COL27A1: variants seen among roughly 807,000 people sequenced by gnomAD.
COL27A1 encodes the protein collagen type XXVII alpha 1 chain, also known as collagen alpha-1(XXVII) chain.
COL27A1 carries 106 observed loss-of-function variants against 251.3 expected under a neutral mutation model. The observed-to-expected ratio is 0.42, with a 90% CI of 0.36 to 0.50. COL27A1 has a LOEUF of 0.50. Among genes scored for constraint, COL27A1 ranks in the 20% least tolerant of loss-of-function variants. The pLI is 0.00. For synonymous variants in COL27A1, 1,000 were observed against 986.3 expected (o/e 1.01, Z -0.26); for missense variants, 2,325 against 2,522.8 (o/e 0.92, Z 1.68).
chr9:114,267,808 G>A (rs1834851060), intron 34 of COL27A1, among the ~76,000 whole-genome samples: 1 of 152,140 alleles, frequency 6.6e-6, no homozygotes, highest in Non-Finnish European at 1.5e-5. Context: ...GTACCTCCTG[G>A]CCTCATGCGA....
In COL27A1 at chr9:114,270,749, G is replaced by A. The variant is rs1343744535; in HGVS notation, c.3577G>A (p.Asp1193Asn). ...CCAGGGAGAGCCAGGCCTTGAGGGT[G>A]ACAGTGGCCCCATGGGACCTGATGG... ...GQRGEPGLEG[D>N]SGPMGPDGLK... Residue 1193 changes from aspartate to asparagine, a missense_variant, in exon 36 of 61, where the codon GAC becomes AAC. Physicochemically the swap from Asp to Asn is conservative, Grantham distance 23. Transcript: ENST00000356083. The A allele has an allele frequency of 1.2e-6, 2 of 1,613,160 alleles. No individual in the cohort carries two copies. Among genetic ancestry groups the A allele is most frequent in the East Asian group, 2.2e-5 (1 of 44,812 alleles).
At chr9:114,264,319 G>C (rs367609372) in intron 28 of COL27A1, 36 bp from the exon 29 acceptor site, 1 of 1,533,548 alleles carries the variant, frequency 6.5e-7, no homozygotes, top group Admixed American at 1.9e-5. Context: ...GGAGACCCCT[G>C]CTGTCCGGTG....
At position 114,155,583 on chromosome 9, in the gene COL27A1, C is replaced by G. The variant is rs894924392; in HGVS notation, c.-368C>G. On this transcript the variant is annotated 5_prime_UTR_variant, in exon 1 of 61. Transcript: ENST00000356083. This position sits in a 1 kb window ranked among gnomAD's most constrained non-coding sequence, Gnocchi z 5.5. ...GCCGGCGGGGAGGCAGCTTCCACCG[C>G]CCTCCGCGCGCCCTCACCCGGCCTT... 6.6e-6 allele frequency: 1 copy of G among 152,276 alleles called. No homozygotes were observed. Among genetic ancestry groups the G allele is most frequent in the South Asian group, 2.1e-4 (1 of 4,828 alleles). 9.4% of individuals were successfully genotyped at this position (152,276 alleles called of 1,614,324 possible).
At position 114,219,816 on chromosome 9, in the gene COL27A1, G is replaced by A. The variant is rs748702198; in HGVS notation, c.2393G>A (p.Arg798Lys). Residue 798 changes from arginine (R) to lysine (K), a missense_variant, in exon 13 of 61, where the codon AGA becomes AAA. By Grantham distance (26) the Arg-to-Lys change is conservative. Around this residue, in one of 4 missense-constraint regions of COL27A1, gnomAD observed 1,183 missense variants for 1,144.1 expected, o/e 1.03. Transcript: ENST00000356083. ...MPGFPGVFGE[R>K]GPPGLDGNPG... ...GGGTTTCCTGGAGTCTTTGGGGAAA[G>A]AGGCCCTCCTGGACTGGATGGAAAT... 6 of 1,611,940 alleles carry A rather than the reference G, an allele frequency of 3.7e-6. No individual in the cohort carries two copies. The highest frequency in any genetic ancestry group is 5.1e-6 in the Non-Finnish European group (6 of 1,178,188).
At chr9:114,242,256 G>C in intron 22 of COL27A1, 25 bp downstream of exon 22, 1 of 1,602,360 alleles carries the variant, frequency 6.2e-7, no homozygotes, top group African/African-American at 1.3e-5. Context: ...CCTGGGGTAG[G>C]TGGCATTCAT....
chr9:114,240,300 G>T, intron 20 of COL27A1, 27 bp downstream of exon 20: 1 of 1,586,584 alleles, frequency 6.3e-7, no homozygotes, highest in Non-Finnish European at 8.6e-7. Flanking sequence ...GGCAGCTCCA[G>T]TTGGAGGAGC....
intron 4 of COL27A1, among the ~76,000 whole-genome samples, chr9:114,179,011 G>T (rs1186047173): frequency 6.6e-6 from 1 of 152,138 alleles, no homozygotes; most frequent in African/African-American, 2.4e-5. Flanking sequence ...TGGAACCCAG[G>T]CTCTTACCCA....
intron 28 of COL27A1, among the ~76,000 whole-genome samples, chr9:114,263,424 C>T (rs1383569752): frequency 6.6e-6 from 1 of 152,112 alleles, no homozygotes; most frequent in East Asian, 1.9e-4. Context: ...CACTCCTGTC[C>T]TCCCAACACA....
Position 114,168,884 on chromosome 9 carries a change from A to G in COL27A1, c.1329A>G (p.Leu443=). The change falls in exon 3 of 61, where the codon CTA becomes CTG. Residue 443 remains leucine (L), a synonymous_variant. Coordinates refer to ENST00000356083, the MANE Select transcript of COL27A1 (RefSeq NM_032888.4). ...PRPPPPSTRP[L]PPTTSSSKKP... ...CCCCACCGCCCAGCACCCGGCCCCT[A>G]CCTCCTACCACCAGCTCCTCTAAAA... 1 of 1,613,338 alleles carries G rather than the reference A, an allele frequency of 6.2e-7. No homozygotes were observed. Among genetic ancestry groups the G allele is most frequent in the South Asian group, 1.1e-5 (1 of 90,998 alleles).
At chr9:114,251,899 C>G (rs747342264) in intron 25 of COL27A1, among the ~76,000 whole-genome samples, 2 of 152,264 alleles carry the variant, frequency 1.3e-5, no homozygotes, top group African/African-American at 4.8e-5. Flanking sequence ...TCCTACAACC[C>G]TCTGAGTGCC....
intron 28 of COL27A1, among the ~76,000 whole-genome samples, chr9:114,260,591 C>G (rs1834249473): frequency 6.6e-6 from 1 of 152,152 alleles, no homozygotes; most frequent in East Asian, 1.9e-4. Context: ...GCTTTCCTGC[C>G]TATGTGTAGG....
chr9:114,172,841 G>A (rs1849418374), intron 3 of COL27A1, among the ~76,000 whole-genome samples: 1 of 152,186 alleles, frequency 6.6e-6, no homozygotes, highest in Admixed American at 6.5e-5. Context: ...ATCTTATCTA[G>A]TTTTGCTGAG....
intron 7 of COL27A1, among the ~76,000 whole-genome samples, chr9:114,200,379 T>G (rs1013163549): frequency 9.9e-5 from 15 of 152,238 alleles, no homozygotes; most frequent in African/African-American, 3.6e-4. Flanking sequence ...CCACCTAATA[T>G]GCATTTAATG....
chr9:114,195,965 A>T lies in COL27A1; in HGVS notation c.2077A>T (p.Met693Leu), dbSNP rs879417156. ...CCTTGTCTGTGTCTTCCAGGGTGACATGGGCTTGCCTGGGCTCTCCGGGAA... is the reference window on the plus strand; with the variant it reads ...CCTTGTCTGTGTCTTCCAGGGTGACTTGGGCTTGCCTGGGCTCTCCGGGAA... ...GKAHDGAKGD[M>L]GLPGLSGNPG... The change falls in exon 7 of 61, where the codon ATG becomes TTG. Residue 693 changes from methionine to leucine, a missense_variant. Met to Leu is a conservative substitution (Grantham distance 15). Transcript: ENST00000356083. The T allele has an allele frequency of 8.1e-6, 13 of 1,613,700 alleles. No homozygotes were observed. Among genetic ancestry groups the T allele is most frequent in the Non-Finnish European group, 1.0e-5 (12 of 1,179,586 alleles).
chr9:114,304,760 T>C (rs1485375621), intron 57 of COL27A1, 87 bp downstream of exon 57: 1 of 1,176,084 alleles, frequency 8.5e-7, no homozygotes, highest in Admixed American at 1.8e-5. Context: ...GTGCCTTCCA[T>C]GTGGCCTGCA....
At position 114,284,750 on chromosome 9, in the gene COL27A1, T is replaced by C. The variant is rs1320613550; in HGVS notation, c.3960T>C (p.Leu1320=). 1 of 1,614,200 alleles carries C rather than the reference T, an allele frequency of 6.2e-7. No individual in the cohort carries two copies. The highest frequency in any genetic ancestry group is 1.7e-5 in the Admixed American group (1 of 60,016). The change falls in exon 41 of 61, where the codon CTT becomes CTC. Residue 1320 remains leucine, a synonymous_variant. Transcript: ENST00000356083. The part of the protein sequence containing the change: ...YDGHKGIVGP[L]GPPGPKGEKG... ...GACACAAAGGCATTGTGGGACCCCT[T>C]GGACCTCCTGGACCAAAAGGCGAAA...
At chr9:114,265,161 T>C in intron 31 of COL27A1, 51 bp downstream of exon 31, 4 of 508,626 alleles carry the variant, frequency 7.9e-6, no homozygotes, top group Non-Finnish European at 1.1e-5. Context: ...TTGATGGGGG[T>C]GGGGGGCGGG....
chr9:114,176,894 A>G (rs1827503506), intron 3 of COL27A1, among the ~76,000 whole-genome samples: 1 of 152,212 alleles, frequency 6.6e-6, no homozygotes, highest in Non-Finnish European at 1.5e-5. Flanking sequence ...GTGAGCCGAG[A>G]CTGCCCAGCA....
chr9:114,202,003 A>C (rs1829613619), intron 7 of COL27A1, among the ~76,000 whole-genome samples: 1 of 152,172 alleles, frequency 6.6e-6, no homozygotes, highest in Non-Finnish European at 1.5e-5. Flanking sequence ...CAGTTTCCTC[A>C]ACTGGCAAAT....
Sources: allele counts gnomAD v4.1 joint callset (sites outside exome capture counted in the v4.1 genomes callset), GRCh38; gene constraint gnomAD v4.1.1; regional missense constraint gnomAD v4.1.1; non-coding constraint Gnocchi (gnomAD v3.1); transcripts MANE v1.5; gene names NCBI Gene and HGNC (gene_info 2026-07-23, HGNC 2026-07-21).